THEMIS: variants seen among roughly 807,000 people sequenced by gnomAD.
THEMIS encodes the protein thymocyte selection associated, also known as protein THEMIS.
THEMIS carries 37 observed loss-of-function variants against 52.6 expected under a neutral mutation model. That is an observed-to-expected ratio of 0.70 (90% CI 0.54 to 0.93). THEMIS has a LOEUF of 0.93. Among genes scored for constraint, THEMIS ranks in the 40% least tolerant of loss-of-function variants. The pLI, the probability that THEMIS is intolerant of heterozygous loss-of-function variation, is 0.00. For missense variants in THEMIS, 808 were observed against 763.1 expected (o/e 1.06, Z -0.69); for synonymous variants, 292 against 272.7 (o/e 1.07, Z -0.70).
chr6:127,756,375 G>A (rs990295224), intron 4 of THEMIS, among the ~76,000 whole-genome samples: 5 of 152,130 alleles, frequency 3.3e-5, no homozygotes, highest in African/African-American at 1.2e-4. Context: ...CTAACAGAAT[G>A]CTTCCATGAC....
At chr6:127,848,985 C>T (rs1436260963) in intron 2 of THEMIS, among the ~76,000 whole-genome samples, 1 of 152,076 alleles carries the variant, frequency 6.6e-6, no homozygotes, top group African/African-American at 2.4e-5. Flanking sequence ...TTGTTTTAGA[C>T]ATGAAGTCCT....
chr6:127,829,829 T>A lies in THEMIS; in HGVS notation c.356A>T (p.His119Leu). The A allele has an allele frequency of 6.2e-7, 1 of 1,614,146 alleles. No individual in the cohort carries two copies. Reference protein sequence around the residue: ...PSRLGHPCFYHQKDIKLENLI... With the variant: ...PSRLGHPCFYLQKDIKLENLI... Reference sequence around the variant, plus strand: ...GTTCTCTAGTTTTATATCCTTCTGATGATAGAAGCAAGGATGCCCTAGTCT... The same window carrying A: ...GTTCTCTAGTTTTATATCCTTCTGAAGATAGAAGCAAGGATGCCCTAGTCT... The change falls in exon 3 of 6, where the codon CAT becomes CTT. Residue 119 changes from histidine (H) to leucine (L), a missense_variant. His to Leu is a moderately conservative substitution (Grantham distance 99, BLOSUM62 -3). Transcript: ENST00000368248.
intron 1 of THEMIS, among the ~76,000 whole-genome samples, chr6:127,863,314 A>G (rs1485574615): frequency 6.6e-6 from 1 of 152,166 alleles, no homozygotes; most frequent in Non-Finnish European, 1.5e-5. Flanking sequence ...GTCCCCATAC[A>G]GTATCTGTAT....
chr6:127,719,078 G>A (rs1774272589), intron 5 of THEMIS, among the ~76,000 whole-genome samples: 1 of 151,864 alleles, frequency 6.6e-6, no homozygotes, highest in Admixed American at 6.6e-5. Context: ...TAGAAATTGA[G>A]GGGGTTTGGT....
intron 2 of THEMIS, among the ~76,000 whole-genome samples, chr6:127,851,834 C>T (rs948895648): frequency 7.9e-5 from 12 of 151,712 alleles, no homozygotes; most frequent in Non-Finnish European, 3.0e-5. Context: ...AATCACACTC[C>T]TTGGTATTTA....
intron 3 of THEMIS, among the ~76,000 whole-genome samples, chr6:127,821,431 T>C (rs962435565): frequency 2.6e-5 from 4 of 152,126 alleles, no homozygotes; most frequent in African/African-American, 9.6e-5. Context: ...AAAAACATTA[T>C]GTACTTATCA....
At chr6:127,911,203 T>A (rs563106580) in intron 1 of THEMIS, among the ~76,000 whole-genome samples, 1 of 151,436 alleles carries the variant, frequency 6.6e-6, no homozygotes, top group South Asian at 2.1e-4. Context: ...ACCTTTCCCC[T>A]CTTTTCACAC....
intron 2 of THEMIS, among the ~76,000 whole-genome samples, chr6:127,844,297 A>C (rs905377213): frequency 2.0e-5 from 3 of 151,976 alleles, no homozygotes; most frequent in African/African-American, 4.8e-5. Context: ...TATATGTAAA[A>C]ATATTAAGAA....
intron 4 of THEMIS, among the ~76,000 whole-genome samples, chr6:127,735,318 C>T (rs1034914885): frequency 1.8e-4 from 26 of 140,972 alleles, no homozygotes; most frequent in East Asian, 1.6e-3. Flanking sequence ...GGCGTGTGTG[C>T]GTGTGTGTGT....
At chr6:127,819,513 A>C (rs1268449339) in intron 3 of THEMIS, among the ~76,000 whole-genome samples, 1 of 152,188 alleles carries the variant, frequency 6.6e-6, no homozygotes, top group Admixed American at 6.5e-5. Flanking sequence ...TCTTCAAATC[A>C]AAGACAAAGC....
chr6:127,808,811 C>T (rs1777804827), intron 4 of THEMIS, among the ~76,000 whole-genome samples: 1 of 152,116 alleles, frequency 6.6e-6, no homozygotes, highest in South Asian at 2.1e-4. Context: ...AGTTGCCAAT[C>T]TTACCTTGGA....
intron 1 of THEMIS, among the ~76,000 whole-genome samples, chr6:127,908,638 A>G (rs1781336230): frequency 6.6e-6 from 1 of 152,140 alleles, no homozygotes; most frequent in Non-Finnish European, 1.5e-5. Context: ...ATAAAAAATG[A>G]AGCCCTTATA....
chr6:127,753,989 G>A (rs1170212265), intron 4 of THEMIS, among the ~76,000 whole-genome samples: 1 of 151,942 alleles, frequency 6.6e-6, no homozygotes, highest in Non-Finnish European at 1.5e-5. Flanking sequence ...TATATCTATG[G>A]CCTTAATGGT....
At chr6:127,714,421 A>C (rs1774088924) in intron 5 of THEMIS, among the ~76,000 whole-genome samples, 1 of 151,870 alleles carries the variant, frequency 6.6e-6, no homozygotes, top group South Asian at 2.1e-4. Flanking sequence ...AATATTCCTT[A>C]ACATTTGAAA....
chr6:127,818,301 T>TC (rs1562278212), intron 3 of THEMIS, among the ~76,000 whole-genome samples: 1 of 151,150 alleles, frequency 6.6e-6, no homozygotes, highest in Non-Finnish European at 1.5e-5. Flanking sequence ...ATTATAGAAA[T>TC]CCCCCCTCCA....
At chr6:127,705,598 GA>G (rs1773789034), downstream of THEMIS, among the ~76,000 whole-genome samples, 1 of 152,148 alleles carries the variant, frequency 6.6e-6, no homozygotes, top group Non-Finnish European at 1.5e-5. Context: ...AACTGAAATT[GA>G]AATATACTCC....
At chr6:127,800,985 G>A (rs555915128) in intron 4 of THEMIS, among the ~76,000 whole-genome samples, 13 of 152,240 alleles carry the variant, frequency 8.5e-5, no homozygotes, top group Admixed American at 3.3e-4. Flanking sequence ...AAGTTCTTTC[G>A]TTGGTTTTGG....
chr6:127,914,222 A>C (rs1346607000), intron 1 of THEMIS, among the ~76,000 whole-genome samples: 3 of 152,186 alleles, frequency 2.0e-5, no homozygotes, highest in Non-Finnish European at 2.9e-5. Context: ...GGTGCTCAAA[A>C]AGTTTCAGAT....
chr6:127,852,090 G>A (rs1779446336), intron 2 of THEMIS, among the ~76,000 whole-genome samples: 1 of 151,520 alleles, frequency 6.6e-6, no homozygotes, highest in African/African-American at 2.4e-5. Context: ...AAACTGGAGT[G>A]ACTATACTAA....
Sources: gnomAD v4.1 joint callset for allele counts (sites outside exome capture counted in the v4.1 genomes callset) on GRCh38, gnomAD v4.1.1 for gene constraint, MANE v1.5 for transcripts, NCBI Gene and HGNC (gene_info 2026-07-23, HGNC 2026-07-21) for gene names.